The following DPP6 variants were observed in gnomAD, a reference collection of about 807,000 sequenced individuals.
DPP6 encodes A-type potassium channel modulatory protein DPP6.
DPP6 carries 69 observed loss-of-function variants against 122.6 expected under a neutral mutation model. The ratio of observed to expected loss-of-function variants is 0.56; its 90% CI spans 0.46 to 0.69. The LOEUF is 0.69. Ranked by LOEUF, DPP6 falls within the 30% of genes least tolerant of loss-of-function variation. The pLI, the probability that DPP6 is intolerant of heterozygous loss-of-function variation, is 0.00. For missense variants in DPP6, 928 were observed against 1,116.9 expected, an observed-to-expected ratio of 0.83 and a Z score of 2.41; for synonymous variants, 418 against 433.1, an observed-to-expected ratio of 0.97 and a Z score of 0.43.
the DPP6 span, among the ~76,000 whole-genome samples, chr7:153,870,746 T>C: frequency 6.6e-6 from 1 of 152,174 alleles, no homozygotes; most frequent in Non-Finnish European, 1.5e-5. Flanking sequence ...GAGTTTCTGG[T>C]TTTTCTGCTC....
At chr7:153,927,593 G>T (rs934849619) in intron 1 of DPP6, among the ~76,000 whole-genome samples, 2 of 152,216 alleles carry the variant, frequency 1.3e-5, no homozygotes, top group African/African-American at 2.4e-5. Context: ...ATTACTCAGT[G>T]TATGAACAAG....
chr7:154,881,391 C>T (rs1228038969), intron 21 of DPP6, among the ~76,000 whole-genome samples: 1 of 152,244 alleles, frequency 6.6e-6, no homozygotes, highest in Admixed American at 6.5e-5. Flanking sequence ...CCGCTCCCAT[C>T]TGGTGGCCCT....
intron 1 of DPP6, among the ~76,000 whole-genome samples, chr7:154,163,747 G>A (rs1797094327): frequency 6.6e-6 from 1 of 152,160 alleles, no homozygotes; most frequent in African/African-American, 2.4e-5. Flanking sequence ...AAGTTAATTA[G>A]CCTCTGGAGA....
chr7:154,463,835 A>G (rs1024908100), intron 2 of DPP6, among the ~76,000 whole-genome samples: 1 of 152,040 alleles, frequency 6.6e-6, no homozygotes, highest in African/African-American at 2.4e-5. Context: ...AAGTTGCAAG[A>G]CAATTTCCTC....
At chr7:154,878,471 G>A (rs575923461) in intron 20 of DPP6, among the ~76,000 whole-genome samples, 4 of 152,348 alleles carry the variant, frequency 2.6e-5, no homozygotes, top group South Asian at 2.1e-4. Context: ...GCCCAATGGC[G>A]CCAAGCCATA....
At chr7:154,703,806 G>A (rs1303092221) in intron 7 of DPP6, among the ~76,000 whole-genome samples, 1 of 151,946 alleles carries the variant, frequency 6.6e-6, no homozygotes, top group African/African-American at 2.4e-5. Flanking sequence ...GCGTGGTGGT[G>A]GGAGCCTGTA....
At chr7:154,600,404 C>T (rs1205175725) in intron 5 of DPP6, among the ~76,000 whole-genome samples, 3 of 121,222 alleles carry the variant, frequency 2.5e-5, no homozygotes, top group African/African-American at 7.9e-5. Context: ...GCTGGGATTA[C>T]AGGCGTGAGC....
intron 1 of DPP6, among the ~76,000 whole-genome samples, chr7:154,228,576 C>G (rs1481287303): frequency 6.6e-6 from 1 of 152,128 alleles, no homozygotes; most frequent in African/African-American, 2.4e-5. Flanking sequence ...GAATCTATTT[C>G]TCTTCATTTT....
the DPP6 span, among the ~76,000 whole-genome samples, chr7:153,795,458 T>A: frequency 6.6e-6 from 1 of 152,204 alleles, no homozygotes; most frequent in African/African-American, 2.4e-5. Flanking sequence ...CCACCTCTTT[T>A]ATTTTTAATA....
intron 1 of DPP6, among the ~76,000 whole-genome samples, chr7:154,070,415 G>A (rs917369538): frequency 2.0e-5 from 3 of 152,102 alleles, no homozygotes; most frequent in African/African-American, 4.8e-5. Flanking sequence ...TAGTTGTGAT[G>A]CATCTATTAT....
intron 2 of DPP6, among the ~76,000 whole-genome samples, chr7:154,456,731 A>G (rs1820863206): frequency 1.2e-5 from 1 of 83,406 alleles, no homozygotes; most frequent in South Asian, 5.5e-4. Context: ...TCTTATAAGA[A>G]GGAAATAAGA....
chr7:154,416,225 G>A (rs1202593318), intron 1 of DPP6, among the ~76,000 whole-genome samples: 5 of 152,194 alleles, frequency 3.3e-5, no homozygotes, highest in Admixed American at 2.6e-4. Flanking sequence ...CCATTAGTCA[G>A]CAACATCATC....
upstream of DPP6, among the ~76,000 whole-genome samples, chr7:153,885,551 C>A (rs1167747765): frequency 6.6e-6 from 1 of 152,156 alleles, no homozygotes; most frequent in East Asian, 1.9e-4. Flanking sequence ...CACAAAGCAT[C>A]TGCTTGCACC....
At chr7:154,370,156 T>C (rs1350516833) in intron 1 of DPP6, among the ~76,000 whole-genome samples, 1 of 151,386 alleles carries the variant, frequency 6.6e-6, no homozygotes, top group Non-Finnish European at 1.5e-5. Flanking sequence ...CTAATTTTTG[T>C]ATTTTTTGTA....
intron 2 of DPP6, among the ~76,000 whole-genome samples, chr7:154,455,706 G>C (rs955051082): frequency 6.6e-6 from 1 of 152,120 alleles, no homozygotes; most frequent in East Asian, 1.9e-4. Context: ...TTACACTAAA[G>C]AGCCATTTTT....
chr7:154,321,370 G>A (rs1440834310), intron 1 of DPP6, among the ~76,000 whole-genome samples: 1 of 152,126 alleles, frequency 6.6e-6, no homozygotes, highest in African/African-American at 2.4e-5. Context: ...TGGGTCTGGG[G>A]TGCAGGGGTG....
intron 1 of DPP6, among the ~76,000 whole-genome samples, chr7:154,156,611 A>G (rs1216724277): frequency 1.3e-5 from 2 of 152,250 alleles, no homozygotes; most frequent in Non-Finnish European, 2.9e-5. Flanking sequence ...CAAATGCATC[A>G]TACAAAATTC....
At chr7:154,645,478 T>C (rs1401466561) in intron 6 of DPP6, among the ~76,000 whole-genome samples, 1 of 152,142 alleles carries the variant, frequency 6.6e-6, no homozygotes, top group African/African-American at 2.4e-5. Context: ...GTCCTCCTTC[T>C]ATCCCTCCCT....
At chr7:154,059,530 G>C (rs1237887318) in intron 1 of DPP6, 3 of 150,870 alleles carry the variant, frequency 2.0e-5, no homozygotes, top group Non-Finnish European at 4.4e-5. Context: ...GCAGAAGGCA[G>C]GTGAGAGAAT....
Sources: gnomAD v4.1 joint callset for allele counts (sites outside exome capture counted in the v4.1 genomes callset) on GRCh38, gnomAD v4.1.1 for gene constraint, MANE v1.5 for transcripts, NCBI Gene and HGNC (gene_info 2026-07-23, HGNC 2026-07-21) for gene names.